Variants in PTPRG observed in about 807,000 individuals in gnomAD.
The protein encoded by PTPRG is receptor-type tyrosine-protein phosphatase gamma.
PTPRG carries 102 observed loss-of-function variants against 165.3 expected under a neutral mutation model. That is an observed-to-expected ratio of 0.62 (90% CI 0.53 to 0.73). The LOEUF is 0.73. Among genes scored for constraint, PTPRG ranks in the 30% least tolerant of loss-of-function variants. The pLI, the probability that PTPRG is intolerant of heterozygous loss-of-function variation, is 0.00. For synonymous variants in PTPRG, 675 were observed against 669.5 expected (o/e 1.01, Z -0.13); for missense variants, 1,866 against 1,861.4 (o/e 1.00, Z -0.05).
intron 2 of PTPRG, among the ~76,000 whole-genome samples, chr3:61,778,387 A>T (rs1008457556): frequency 2.0e-5 from 3 of 152,108 alleles, no homozygotes; most frequent in African/African-American, 7.2e-5. Context: ...CTGCACTCCT[A>T]TGCAAACGTC....
chr3:62,262,714 G>A, intron 16 of PTPRG, 84 bp from the exon 17 acceptor site: 1 of 906,232 alleles, frequency 1.1e-6, no homozygotes, highest in Non-Finnish European at 1.6e-6. Context: ...GCCAGGGAGT[G>A]AGTAAATACT....
rs559858811 is a variant in PTPRG at position 61,947,260 on chromosome 3, GTA to G, written c.191-42360_191-42359del. On this transcript the variant is annotated intron_variant, in intron 2 of 29. Coordinates refer to ENST00000474889, the MANE Select transcript of PTPRG (RefSeq NM_002841.4). The stretch of plus-strand genomic sequence containing the variant: ...CCTGTGTAATGAGCATCTGTTCAAA[GTA>G]TATAAAAGACTTGTTTAAAAATTGA... 1.4e-3 allele frequency among the ~76,000 whole-genome samples: 208 copies of G among 152,250 alleles called. 5 individuals are homozygous for G. In the South Asian group the frequency reaches 0.026, roughly 19 times the overall value.
At chr3:62,292,650 G>GC (rs1470714489) in intron 29 of PTPRG, 94 bp downstream of exon 29, 14 of 1,431,000 alleles carry the variant, frequency 9.8e-6, no homozygotes, top group Middle Eastern at 2.2e-4. Flanking sequence ...GGGTGATTTT[G>GC]CCCCCCAGGG....
chr3:61,995,580 AG>A (rs1380046083), intron 3 of PTPRG, among the ~76,000 whole-genome samples: 2 of 151,160 alleles, frequency 1.3e-5, no homozygotes, highest in South Asian at 2.1e-4. Context: ...TGTGTGTGTG[AG>A]GGGGGTGTGG....
intron 2 of PTPRG, among the ~76,000 whole-genome samples, chr3:61,864,119 C>A (rs2037343610): frequency 6.6e-6 from 1 of 152,162 alleles, no homozygotes; most frequent in Admixed American, 6.5e-5. Flanking sequence ...ACCTTACCTA[C>A]CTCCTGGGTT....
intron 5 of PTPRG, among the ~76,000 whole-genome samples, chr3:62,091,549 A>G (rs991489060): frequency 6.6e-6 from 1 of 152,164 alleles, no homozygotes; most frequent in Non-Finnish European, 1.5e-5. Context: ...CTGGACCCCA[A>G]GGAACTGCTT....
intron 5 of PTPRG, chr3:62,118,270 A>C (rs1414141776): frequency 1.3e-5 from 2 of 152,250 alleles, no homozygotes; most frequent in African/African-American, 4.8e-5. Context: ...TTTGTAGCAC[A>C]AAAACAGCCA....
rs562870404 is a variant in PTPRG, at chr3:61,995,215, AG to A, written c.370+5412del. ...GTGATTCTTATGTCCCAGCCTCCCA[AG>A]TAGCTGGAATTACAGGTGCATGCCA... is the stretch of plus-strand genomic sequence containing the variant. On this transcript the variant is annotated intron_variant, in intron 3 of 29. Transcript: ENST00000474889. Among the ~76,000 whole-genome samples the A allele has an allele frequency of 1.6e-3, 247 of 151,042 alleles. 2 individuals carry two copies. Among genetic ancestry groups the A allele is most frequent in the African/African-American group, 5.9e-3 (242 of 41,058 alleles).
intron 1 of PTPRG, among the ~76,000 whole-genome samples, chr3:61,584,800 G>A (rs974798784): frequency 6.6e-6 from 1 of 152,122 alleles, no homozygotes; most frequent in Non-Finnish European, 1.5e-5. Context: ...TATTAAAAAT[G>A]CAGCATCTCT....
At chr3:61,995,647 C>T (rs1454660987) in intron 3 of PTPRG, among the ~76,000 whole-genome samples, 1 of 151,652 alleles carries the variant, frequency 6.6e-6, no homozygotes, top group Non-Finnish European at 1.5e-5. Flanking sequence ...TCATATGTTT[C>T]TGATAGTCTA....
chr3:62,107,279 T>C (rs1255380652), intron 5 of PTPRG, among the ~76,000 whole-genome samples: 2 of 152,226 alleles, frequency 1.3e-5, no homozygotes, highest in Non-Finnish European at 2.9e-5. Context: ...CCATGAAGCA[T>C]ACTTCTATAA....
intron 4 of PTPRG, among the ~76,000 whole-genome samples, chr3:62,010,608 G>T (rs1253724711): frequency 6.6e-6 from 1 of 151,912 alleles, no homozygotes; most frequent in Non-Finnish European, 1.5e-5. Context: ...ATGAGCCCAG[G>T]AGTTCAAGGC....
At chr3:61,785,649 G>A (rs1040474201) in intron 2 of PTPRG, among the ~76,000 whole-genome samples, 1 of 152,064 alleles carries the variant, frequency 6.6e-6, no homozygotes, top group Non-Finnish European at 1.5e-5. Context: ...AAATAAAATA[G>A]GAAATATAAA....
chr3:61,890,419 T>G (rs1429089262), intron 2 of PTPRG, among the ~76,000 whole-genome samples: 1 of 82,764 alleles, frequency 1.2e-5, no homozygotes, highest in African/African-American at 3.7e-5. Context: ...TTTGTTTTTT[T>G]TTTGTTTTTT....
At chr3:62,110,393 A>G (rs1020323809) in intron 5 of PTPRG, among the ~76,000 whole-genome samples, 2 of 152,186 alleles carry the variant, frequency 1.3e-5, no homozygotes, top group African/African-American at 4.8e-5. Context: ...TTCCATAATC[A>G]GGTGCTGAAT....
At chr3:62,241,767 G>T (rs1044652668) in intron 14 of PTPRG, among the ~76,000 whole-genome samples, 4 of 151,908 alleles carry the variant, frequency 2.6e-5, no homozygotes, top group Admixed American at 1.3e-4. Context: ...AATAATTATG[G>T]TCTTAAAATC....
chr3:61,687,985 A>G (rs1241536443), intron 1 of PTPRG, among the ~76,000 whole-genome samples: 1 of 152,220 alleles, frequency 6.6e-6, no homozygotes, highest in African/African-American at 2.4e-5. Flanking sequence ...CAGCTTTTCC[A>G]AGTTTCTTAG....
At chr3:61,865,517 T>G (rs1233357319) in intron 2 of PTPRG, among the ~76,000 whole-genome samples, 1 of 152,188 alleles carries the variant, frequency 6.6e-6, no homozygotes, top group African/African-American at 2.4e-5. Context: ...CAACTGTGCA[T>G]CATTCCCTAT....
At chr3:61,962,866 T>C (rs1329946409) in intron 2 of PTPRG, among the ~76,000 whole-genome samples, 3 of 152,234 alleles carry the variant, frequency 2.0e-5, no homozygotes, top group Admixed American at 6.5e-5. Context: ...ACAAGTGTTA[T>C]GTTTATTTTT....
Sources: gnomAD v4.1 joint callset for allele counts (sites outside exome capture counted in the v4.1 genomes callset) on GRCh38, gnomAD v4.1.1 for gene constraint, MANE v1.5 for transcripts, NCBI Gene and HGNC (gene_info 2026-07-23, HGNC 2026-07-21) for gene names.